Variants in CHD8 observed in about 807,000 individuals in gnomAD.
CHD8 encodes ATP-dependent chromatin remodeler CHD8.
CHD8 carries 31 observed loss-of-function variants against 279.2 expected under a neutral mutation model. The ratio of observed to expected loss-of-function variants is 0.11; its 90% confidence interval spans 0.08 to 0.15. CHD8 has a LOEUF of 0.15. Among genes scored for constraint, CHD8 ranks in the 10% least tolerant of loss-of-function variants. The pLI, the probability that CHD8 is intolerant of heterozygous loss-of-function variation, is 1.00. For synonymous variants in CHD8, 1,081 were observed against 1,139.6 expected (o/e 0.95, Z 1.04); for missense variants, 2,146 against 3,230.5 (o/e 0.66, Z 8.14).
chr14:21,449,756 T>G (rs1400524457), intron 1 of CHD8, among the ~76,000 whole-genome samples: 13 of 152,254 alleles, frequency 8.5e-5, no homozygotes, highest in African/African-American at 3.1e-4. Context: ...CTGCTTGTGG[T>G]AACTTTTAGT....
rs1169717544 is a variant in CHD8 at position 21,386,030 on chromosome 14, C to A, written c.7329G>T (p.Leu2443=). ...MQGGSTGSLS[L]HNTFQHSSSG... Reference sequence around the variant, plus strand: ...TACTGCTGTGTTGGAACGTGTTATGCAGAGATAGAGACCCAGTGCTTCCAC... The same window carrying A: ...TACTGCTGTGTTGGAACGTGTTATGAAGAGATAGAGACCCAGTGCTTCCAC... The change falls in exon 38 of 38, where the codon CTG becomes CTT. Residue 2443 remains leucine, a synonymous_variant. Transcript: ENST00000646647. 6.3e-7 allele frequency: 1 copy of A among 1,597,026 alleles called. No homozygotes were observed. Among genetic ancestry groups the A allele is most frequent in the Non-Finnish European group, 8.5e-7 (1 of 1,171,664 alleles).
chr14:21,403,727 T>TGA lies in CHD8; in HGVS notation c.3308-65_3308-64insTC. On this transcript the variant is annotated intron_variant, in intron 16 of 37. Coordinates refer to ENST00000646647, the MANE Select transcript of CHD8 (RefSeq NM_001170629.2). The surrounding 1 kb of genome is among the most constrained non-coding windows in gnomAD (Gnocchi z 4.3). ...AACCATATTAAGGTTGTAGTCTATT[T>TGA]AACTAAGAAAGCAAAAGGAAAAAAA... is the stretch of plus-strand genomic sequence containing the variant. 7.5e-7 allele frequency: 1 copy of TGA among 1,331,830 alleles called. No individual in the cohort carries two copies. Among genetic ancestry groups the TGA allele is most frequent in the Non-Finnish European group, 1.0e-6 (1 of 955,708 alleles). 82.5% of individuals were successfully genotyped at this position (1,331,830 alleles called of 1,614,324 possible). A position where few individuals can be genotyped will look rare whatever the true frequency, so the allele number is the denominator to read the frequency against.
intron 29 of CHD8, 39 bp downstream of exon 29, chr14:21,395,259 A>G (rs1217159952): frequency 6.4e-7 from 1 of 1,555,522 alleles, no homozygotes; most frequent in African/African-American, 1.4e-5. Context: ...CCAACCCACC[A>G]CCCCACACAG....
chr14:21,438,433 G>C lies in CHD8; in HGVS notation c.-215-6575C>G, dbSNP rs745917778. On this transcript the variant is annotated intron_variant, in intron 1 of 37. Transcript: ENST00000646647. ...CTCATGCCTGCAATCCCAGCACTTA[G>C]AGAGGCCGAGGTGGGCAGATCGCTT... Among the ~76,000 whole-genome samples the C allele has an allele frequency of 8.7e-5, 13 of 149,634 alleles. No homozygotes were observed. The South Asian group carries it at 1.7e-3, about 19-fold the overall frequency.
intron 5 of CHD8, 85 bp from the exon 6 acceptor site, chr14:21,415,992 T>TA: frequency 9.2e-7 from 1 of 1,092,778 alleles, no homozygotes; most frequent in Non-Finnish European, 1.3e-6. Flanking sequence ...GTCATATACT[T>TA]AGATTCTACT....
chr14:21,418,723 A>G (rs538948741), intron 5 of CHD8, among the ~76,000 whole-genome samples: 22 of 151,782 alleles, frequency 1.4e-4, no homozygotes, highest in Non-Finnish European at 2.9e-4. Flanking sequence ...GGCTGAGGCA[A>G]GAGAATGGCA....
At chr14:21,441,732 C>T (rs1594390365) in intron 1 of CHD8, among the ~76,000 whole-genome samples, 2 of 151,482 alleles carry the variant, frequency 1.3e-5, no homozygotes, top group Admixed American at 1.3e-4. Flanking sequence ...ACTAAAAATA[C>T]AAAAAAATTA....
chr14:21,424,832 G>A (rs1042832432), intron 5 of CHD8, among the ~76,000 whole-genome samples: 2 of 152,116 alleles, frequency 1.3e-5, no homozygotes, highest in African/African-American at 4.8e-5. Flanking sequence ...TCAATGTACC[G>A]AATGTATATT....
intron 1 of CHD8, among the ~76,000 whole-genome samples, chr14:21,451,740 G>A (rs989044212): frequency 2.0e-5 from 3 of 152,042 alleles, no homozygotes; most frequent in Admixed American, 6.6e-5. Context: ...ATATTTTGAA[G>A]TTGACCATTT....
intron 5 of CHD8, among the ~76,000 whole-genome samples, chr14:21,418,153 C>T (rs73579669): frequency 0.04 from 6,099 of 151,856 alleles, 411 homozygotes; most frequent in African/African-American, 0.14. Context: ...GATGTGTGGG[C>T]AGAAGAAAAA....
chr14:21,406,053 T>A (rs566228031), intron 14 of CHD8, among the ~76,000 whole-genome samples, 189 bp from the exon 15 acceptor site: 1 of 152,282 alleles, frequency 6.6e-6, no homozygotes, highest in East Asian at 1.9e-4. Flanking sequence ...ACACAAAGCA[T>A]TCAAGAAATC....
chr14:21,407,985 T>C lies in CHD8; in HGVS notation c.2730+327A>G, dbSNP rs61973170. Among the ~76,000 whole-genome samples, 10,898 of 152,186 alleles carry C rather than the reference T, an allele frequency of 0.072. 832 individuals are homozygous for C. The highest frequency in any genetic ancestry group is 0.2 in the African/African-American group (8,095 of 41,476). ...GAAAAGAAATAAGCTCACCACCGCA[T>C]GGATTAAGTGGCTAAAGGAATTTAA... On this transcript the variant is annotated intron_variant, in intron 13 of 37. Coordinates refer to ENST00000646647, the MANE Select transcript of CHD8 (RefSeq NM_001170629.2).
intron 4 of CHD8, 62 bp from the exon 5 acceptor site, chr14:21,426,304 C>A: frequency 2.4e-6 from 2 of 820,982 alleles, no homozygotes; most frequent in Non-Finnish European, 4.0e-6. Context: ...AGTAAAAAAA[C>A]ATAATTAATC....
Position 21,426,150 on chromosome 14 carries a change from T to G in CHD8, c.1694A>C (p.Glu565Ala). The G allele has an allele frequency of 6.2e-7, 1 of 1,607,830 alleles. No homozygotes were observed. The highest frequency in any genetic ancestry group is 8.5e-7 in the Non-Finnish European group (1 of 1,174,910). ...TACCTGAATGCTGCTTTCTTCATCT[T>G]CTCGAGGTGACTGTGCAGGCATGAC... ...VEVMPAQSPR[E>A]DEESSIQKRR... The change falls in exon 5 of 38, where the codon GAA becomes GCA. Residue 565 changes from glutamate (E) to alanine (A), a missense_variant. Transcript: ENST00000646647.
At position 21,403,383 on chromosome 14, in the gene CHD8, C is replaced by A; in HGVS notation, c.3518+70G>T. Reference sequence around the variant, plus strand: ...TGCAATTGGTGAACTCTAATTAAATCCAGGCCCTCCTACTTTTTGCTGCTT... The same window carrying A: ...TGCAATTGGTGAACTCTAATTAAATACAGGCCCTCCTACTTTTTGCTGCTT... On this transcript the variant is annotated intron_variant, in intron 17 of 37. Transcript: ENST00000646647. The surrounding 1 kb of genome is among the most constrained non-coding windows in gnomAD (Gnocchi z 4.3). 7.4e-7 allele frequency: 1 copy of A among 1,345,958 alleles called. No homozygotes were observed. The highest frequency in any genetic ancestry group is 1.0e-6 in the Non-Finnish European group (1 of 963,680). 83.4% of individuals were successfully genotyped at this position (1,345,958 alleles called of 1,614,324 possible).
chr14:21,386,191 T>G lies in CHD8; in HGVS notation c.7183-15A>C. The stretch of plus-strand genomic sequence containing the variant: ...GTGTGATGACCCTAGGAGGAGGGAA[T>G]AGAAGATAATAAAAAGAAAGAAAGG... On this transcript the variant is annotated splice_polypyrimidine_tract_variant and intron_variant, in intron 37 of 37. Transcript: ENST00000646647. 6.5e-7 allele frequency: 1 copy of G among 1,532,180 alleles called. No individual in the cohort carries two copies. The highest frequency in any genetic ancestry group is 2.1e-5 in the Admixed American group (1 of 47,200). The allele number at this position is 1,532,180 out of a possible 1,614,324, so 94.9% of individuals were successfully genotyped here.
Position 21,408,709 on chromosome 14 carries a change from A to G in CHD8, c.2481T>C (p.Tyr827=). ...EGVNWLLFNW[Y]NRQNCILADE... is the part of the protein sequence containing the mutation. ...TGGCCCATTCTTTCCTTTACCTGTT[A>G]TACCAATTAAAGAGCAGCCAATTAA... Residue 827 remains tyrosine, a synonymous_variant, in exon 12 of 38, where the codon TAT becomes TAC. Coordinates refer to ENST00000646647, the MANE Select transcript of CHD8 (RefSeq NM_001170629.2). The surrounding 1 kb of genome is among the most constrained non-coding windows in gnomAD (Gnocchi z 4.3). 1 of 1,610,864 alleles carries G rather than the reference A, an allele frequency of 6.2e-7. No individual in the cohort carries two copies. The highest frequency in any genetic ancestry group is 1.7e-4 in the Middle Eastern group (1 of 6,054).
chr14:21,437,265 C>G, intron 1 of CHD8: 2 of 1,157,010 alleles, frequency 1.7e-6, no homozygotes, highest in Non-Finnish European at 2.2e-6. Flanking sequence ...TCCTCCTGCG[C>G]AACCTAACCT....
chr14:21,423,089 G>A (rs976029491), intron 5 of CHD8, among the ~76,000 whole-genome samples: 2 of 151,874 alleles, frequency 1.3e-5, no homozygotes, highest in Non-Finnish European at 2.9e-5. Flanking sequence ...GCGTGGTGGC[G>A]CCACCTGTAA....
Sources: allele counts gnomAD v4.1 joint callset (sites outside exome capture counted in the v4.1 genomes callset), GRCh38; gene constraint gnomAD v4.1.1; non-coding constraint Gnocchi (gnomAD v3.1); transcripts MANE v1.5; gene names NCBI Gene and HGNC (gene_info 2026-07-23, HGNC 2026-07-21).